Variants in CWF19L2 observed in about 807,000 individuals in gnomAD.
CWF19L2 encodes the protein CWF19 like cell cycle control factor 2, also known as CWF19-like protein 2.
A neutral mutation model predicts 111.7 loss-of-function variants in CWF19L2; 98 were observed. That is an observed-to-expected ratio of 0.88 (90% CI 0.75 to 1.04). The LOEUF (loss-of-function observed/expected upper bound fraction) is 1.04, where lower values mean the gene tolerates loss of function less well. CWF19L2 is among the 50% of genes least tolerant of loss of function. The pLI is 0.00. For synonymous variants in CWF19L2, 351 were observed against 342.9 expected (o/e 1.02, Z -0.26); for missense variants, 1,101 against 1,051.4 (o/e 1.05, Z -0.65).
intron 4 of CWF19L2, 85 bp from the exon 5 acceptor site, chr11:107,441,707 A>G (rs1861621422): frequency 1.5e-6 from 2 of 1,335,286 alleles, no homozygotes; most frequent in South Asian, 4.0e-5. Context: ...ACACTTGGTA[A>G]TAAGAGCAGG....
chr11:107,364,424 T>C (rs1860406678), intron 12 of CWF19L2, among the ~76,000 whole-genome samples: 1 of 148,368 alleles, frequency 6.7e-6, no homozygotes, highest in South Asian at 2.1e-4. Flanking sequence ...TACTTGGAAG[T>C]AAAGCTCTCC....
At chr11:107,395,881 C>G (rs540070279) in intron 10 of CWF19L2, among the ~76,000 whole-genome samples, 1 of 152,216 alleles carries the variant, frequency 6.6e-6, no homozygotes, top group South Asian at 2.1e-4. Flanking sequence ...ACTACTGGTA[C>G]CTATAGGACC....
At chr11:107,442,916 G>A (rs971209299) in intron 4 of CWF19L2, 23 bp downstream of exon 4, 1 of 1,429,252 alleles carries the variant, frequency 7.0e-7, no homozygotes, top group Non-Finnish European at 9.7e-7. Flanking sequence ...AAGCAAGGAA[G>A]GAAAATCAAG....
At chr11:107,338,463 T>C (rs1188479584) in intron 14 of CWF19L2, among the ~76,000 whole-genome samples, 1 of 152,140 alleles carries the variant, frequency 6.6e-6, no homozygotes, top group Non-Finnish European at 1.5e-5. Flanking sequence ...GTTTGTTACA[T>C]AGGTAAACGT....
At chr11:107,330,689 C>CACACACACACACAT (rs58207804) in intron 16 of CWF19L2, among the ~76,000 whole-genome samples, 2 of 141,634 alleles carry the variant, frequency 1.4e-5, no homozygotes, top group African/African-American at 2.7e-5. Flanking sequence ...CACACACACA[C>CACACACACACACAT]TTTAAACTAT....
chr11:107,343,003 A>G (rs1860027548), intron 14 of CWF19L2, among the ~76,000 whole-genome samples: 1 of 152,316 alleles, frequency 6.6e-6, no homozygotes, highest in African/African-American at 2.4e-5. Context: ...GAACCAGTCC[A>G]GTAGATACCT....
chr11:107,357,191 T>C (rs1188965694), intron 12 of CWF19L2, among the ~76,000 whole-genome samples: 1 of 152,158 alleles, frequency 6.6e-6, no homozygotes, highest in Non-Finnish European at 1.5e-5. Context: ...GTCTGGCATA[T>C]AAGTGAGGCT....
chr11:107,392,287 GC>G (rs1337829549), intron 11 of CWF19L2, among the ~76,000 whole-genome samples: 1 of 152,168 alleles, frequency 6.6e-6, no homozygotes, highest in Non-Finnish European at 1.5e-5. Flanking sequence ...GTTTTTGCCA[GC>G]TCAAGAGCCT....
chr11:107,389,765 C>T (rs80199342), intron 12 of CWF19L2, among the ~76,000 whole-genome samples: 2,656 of 152,174 alleles, frequency 0.017, 58 homozygotes, highest in African/African-American at 0.059. Context: ...ACTATCAGCG[C>T]ACTGTCAATC....
intron 10 of CWF19L2, among the ~76,000 whole-genome samples, chr11:107,408,617 T>C (rs1056750378): frequency 1.3e-5 from 2 of 151,954 alleles, no homozygotes; most frequent in African/African-American, 4.8e-5. Flanking sequence ...AGCCCTCTAG[T>C]AATGCCTAAG....
chr11:107,361,208 A>T (rs1446532500), intron 12 of CWF19L2, among the ~76,000 whole-genome samples: 1 of 152,214 alleles, frequency 6.6e-6, no homozygotes, highest in Non-Finnish European at 1.5e-5. Flanking sequence ...TACTGAAAAG[A>T]GTATCTTTTC....
chr11:107,421,821 A>G (rs992561463), intron 8 of CWF19L2, among the ~76,000 whole-genome samples: 11 of 152,260 alleles, frequency 7.2e-5, no homozygotes, highest in African/African-American at 2.4e-4. Context: ...TTAAACATAC[A>G]GTTACCATAT....
chr11:107,348,835 CTA>C, intron 14 of CWF19L2, 100 bp downstream of exon 14: 1 of 573,456 alleles, frequency 1.7e-6, no homozygotes. Flanking sequence ...AGTTTAGAAA[CTA>C]AAATCATTAA....
At chr11:107,437,504 C>G (rs550563915) in intron 6 of CWF19L2, among the ~76,000 whole-genome samples, 18 of 152,254 alleles carry the variant, frequency 1.2e-4, no homozygotes, top group Non-Finnish European at 2.2e-4. Flanking sequence ...GCAGTAAAAC[C>G]TGCCAATCAT....
chr11:107,349,354 G>C (rs1004356159), intron 13 of CWF19L2, among the ~76,000 whole-genome samples: 2 of 152,106 alleles, frequency 1.3e-5, no homozygotes, highest in African/African-American at 4.8e-5. Flanking sequence ...CAGAATGAAT[G>C]ACACAATATC....
At chr11:107,347,801 T>C (rs1860101569) in intron 14 of CWF19L2, among the ~76,000 whole-genome samples, 1 of 152,202 alleles carries the variant, frequency 6.6e-6, no homozygotes. Flanking sequence ...CTGTTTTCAT[T>C]AAGCAGCTTG....
intron 12 of CWF19L2, 103 bp downstream of exon 12, chr11:107,389,971 G>T: frequency 1.0e-6 from 1 of 955,520 alleles, no homozygotes; most frequent in African/African-American, 1.7e-5. Context: ...TTAATAAAAT[G>T]AATCAAGATT....
chr11:107,388,627 G>A (rs1860805634), intron 12 of CWF19L2, among the ~76,000 whole-genome samples: 1 of 152,220 alleles, frequency 6.6e-6, no homozygotes, highest in East Asian at 1.9e-4. Flanking sequence ...TGATCTGCCT[G>A]CCTAGGCCCC....
rs1861795956 is a variant in CWF19L2 at position 107,452,812 on chromosome 11, A to G, written c.339+1638T>C. On this transcript the variant is annotated intron_variant, in intron 3 of 17. Transcript: ENST00000282251. ...TCGAGACCAGCCTCGACAATATAGT[A>G]AGACTCCATGTCTACAAAAACAACT... Among the ~76,000 whole-genome samples the G allele has an allele frequency of 2.6e-5, 4 of 152,244 alleles. No homozygotes were observed. In the South Asian group the frequency reaches 6.2e-4, roughly 24 times the overall value.
Sources: gnomAD v4.1 joint callset for allele counts (sites outside exome capture counted in the v4.1 genomes callset) on GRCh38, gnomAD v4.1.1 for gene constraint, MANE v1.5 for transcripts, NCBI Gene and HGNC (gene_info 2026-07-23, HGNC 2026-07-21) for gene names.